Variants in DNAJB1 observed in about 807,000 individuals in gnomAD.
The protein encoded by DNAJB1 is DnaJ heat shock protein family (Hsp40) member B1.
In DNAJB1, 14 loss-of-function variants were observed where a neutral mutation model predicts 24.0. The ratio of observed to expected loss-of-function variants is 0.58; its 90% CI spans 0.39 to 0.91. The LOEUF (loss-of-function observed/expected upper bound fraction) is 0.91. DNAJB1 is among the 40% of genes least tolerant of loss of function. The probability of loss-of-function intolerance (pLI) is 0.00; values close to 1 mark genes in which losing one functional copy is unlikely to be tolerated. For missense variants in DNAJB1, 517 were observed against 458.1 expected (o/e 1.13, Z -1.17); for synonymous variants, 262 against 174.4 (o/e 1.50, Z -3.96).
At position 14,518,091 on chromosome 19, in the gene DNAJB1, C is replaced by T. The variant is rs758278068; in HGVS notation, c.211+48G>A. ...GAGAGGGGCCAGCGTGCCTCAGTTT[C>T]CCTGTCTGTCAAAAGGCGGGGCCGC... On this transcript the variant is annotated intron_variant, in intron 1 of 2. Coordinates refer to ENST00000254322, the MANE Select transcript of DNAJB1 (RefSeq NM_006145.3). 1.1e-5 allele frequency: 16 copies of T among 1,404,900 alleles called. No individual in the cohort carries two copies. The African/African-American group carries it at 2.0e-4, about 17-fold the overall frequency. The allele number at this position is 1,404,900 out of a possible 1,614,324, so 87.0% of individuals were successfully genotyped here. A position where few individuals can be genotyped will look rare whatever the true frequency, so the allele number is the denominator to read the frequency against.
chr19:14,556,248 T>G (rs1281799512), intron 1 of DNAJB1, among the ~76,000 whole-genome samples: 1 of 152,120 alleles, frequency 6.6e-6, no homozygotes, highest in Non-Finnish European at 1.5e-5. Context: ...TCCCTCTGCC[T>G]GGACTGCACT....
intron 1 of DNAJB1, among the ~76,000 whole-genome samples, chr19:14,534,823 T>C (rs1017175642): frequency 1.3e-5 from 2 of 152,292 alleles, no homozygotes; most frequent in East Asian, 3.9e-4. Flanking sequence ...AGAGGTAAAC[T>C]AAGCTGGTCA....
intron 1 of DNAJB1, among the ~76,000 whole-genome samples, chr19:14,549,830 C>T (rs2073432187): frequency 6.6e-6 from 1 of 151,910 alleles, no homozygotes; most frequent in South Asian, 2.1e-4. Context: ...GTAATCCCAG[C>T]TACTCAGGAG....
At chr19:14,553,155 G>A (rs183812037), upstream of DNAJB1, among the ~76,000 whole-genome samples, 1 of 152,224 alleles carries the variant, frequency 6.6e-6, no homozygotes, top group African/African-American at 2.4e-5. Flanking sequence ...TCGTGCGTCC[G>A]ATGACCATCT....
At chr19:14,518,580 G>GC (rs1288227158), upstream of DNAJB1, among the ~76,000 whole-genome samples, 3 of 148,456 alleles carry the variant, frequency 2.0e-5, no homozygotes, top group African/African-American at 4.9e-5. Context: ...GCGGGGCCAC[G>GC]CCCCCTCCCG....
intron 1 of DNAJB1, among the ~76,000 whole-genome samples, chr19:14,546,169 C>A (rs536972409): frequency 6.6e-6 from 1 of 152,072 alleles, no homozygotes; most frequent in Admixed American, 6.6e-5. Context: ...ATGGGGGCGG[C>A]GCTGGGGGCT....
chr19:14,552,455 T>C (rs1247232797), upstream of DNAJB1, among the ~76,000 whole-genome samples: 2 of 152,184 alleles, frequency 1.3e-5, no homozygotes, highest in East Asian at 3.9e-4. Context: ...CCAGGCTACT[T>C]ACCTTGGGCG....
intron 1 of DNAJB1, among the ~76,000 whole-genome samples, chr19:14,550,035 C>T (rs1008031559): frequency 2.0e-5 from 3 of 152,004 alleles, no homozygotes; most frequent in South Asian, 2.1e-4. Flanking sequence ...CCATGTCGCA[C>T]GTCACCTTTG....
intron 1 of DNAJB1, among the ~76,000 whole-genome samples, chr19:14,544,657 A>G (rs2073240610): frequency 7.0e-6 from 1 of 142,516 alleles, no homozygotes; most frequent in Non-Finnish European, 1.5e-5. Flanking sequence ...TTTTTGAGAC[A>G]GGGTCTCACT....
At chr19:14,554,378 C>T (rs146268725), upstream of DNAJB1, among the ~76,000 whole-genome samples, 1,273 of 152,300 alleles carry the variant, frequency 8.4e-3, 14 homozygotes, top group Non-Finnish European at 0.015. Flanking sequence ...GCCCAGAATC[C>T]AAGCTTCCCG....
intron 1 of DNAJB1, among the ~76,000 whole-genome samples, chr19:14,535,756 C>CAAAAAAAAA (rs1161257175): frequency 1.9e-5 from 1 of 51,942 alleles, no homozygotes; most frequent in Non-Finnish European, 3.3e-5. Flanking sequence ...GACTCTGTCT[C>CAAAAAAAAA]AAAAAAAAAA....
chr19:14,551,223 C>A (rs915399494), upstream of DNAJB1, among the ~76,000 whole-genome samples: 1 of 151,874 alleles, frequency 6.6e-6, no homozygotes, highest in African/African-American at 2.4e-5. Flanking sequence ...CAGGCACCCA[C>A]CACCACACCC....
upstream of DNAJB1, among the ~76,000 whole-genome samples, chr19:14,554,286 G>C (rs1002151991): frequency 2.0e-5 from 3 of 152,184 alleles, no homozygotes; most frequent in African/African-American, 7.2e-5. Context: ...GTTGGTCGCT[G>C]TTCTCACTCA....
At chr19:14,529,913 C>A, upstream of DNAJB1, 1 of 740,964 alleles carries the variant, frequency 1.3e-6, no homozygotes. Context: ...AAATCTGCAA[C>A]CCAGGCTGTT....
intron 1 of DNAJB1, 119 bp downstream of exon 1, chr19:14,518,020 G>A (rs1213144217): frequency 1.8e-6 from 2 of 1,131,580 alleles, no homozygotes; most frequent in Admixed American, 4.1e-5. Flanking sequence ...CGGAGGGCGG[G>A]GCAGCTCGGC....
chr19:14,529,300 C>T, exon 1 of DNAJB1: 1 of 388,846 alleles, frequency 2.6e-6, no homozygotes, highest in South Asian at 2.4e-5. Flanking sequence ...TCTGGCCTAA[C>T]CGTCGCTTAC....
At chr19:14,551,938 CCTCCCTCCCTCTCTCTCT>C (rs1472216319), upstream of DNAJB1, among the ~76,000 whole-genome samples, 1 of 83,880 alleles carries the variant, frequency 1.2e-5, no homozygotes, top group African/African-American at 4.8e-5. Flanking sequence ...TCTCTCTCTC[CCTCCCTCCCTCTCTCTCT>C]CTCTCTCTCT....
At chr19:14,556,919 C>T (rs73927061) in intron 1 of DNAJB1, among the ~76,000 whole-genome samples, 6 of 152,074 alleles carry the variant, frequency 3.9e-5, no homozygotes, top group Non-Finnish European at 7.4e-5. Flanking sequence ...GAAAGTATCT[C>T]GCTATTGTTA....
chr19:14,542,438 T>A (rs1416773628), intron 1 of DNAJB1, among the ~76,000 whole-genome samples: 6 of 138,298 alleles, frequency 4.3e-5, no homozygotes, highest in African/African-American at 1.1e-4. Context: ...CTCGGCTCAC[T>A]GCAACCTCCG....
Sources: allele counts gnomAD v4.1 joint callset (sites outside exome capture counted in the v4.1 genomes callset), GRCh38; gene constraint gnomAD v4.1.1; transcripts MANE v1.5; gene names NCBI Gene and HGNC (gene_info 2026-07-23, HGNC 2026-07-21).